Variants in CMTM8 observed in about 807,000 individuals in gnomAD.
The protein encoded by CMTM8 is CKLF-like MARVEL transmembrane domain-containing protein 8.
A neutral mutation model predicts 18.6 loss-of-function variants in CMTM8; 12 were observed. That is an observed-to-expected ratio of 0.65 (90% CI 0.41 to 1.05). The LOEUF is 1.05. CMTM8 is among the 50% of genes least tolerant of loss of function. The probability of loss-of-function intolerance (pLI) is 0.00; values close to 1 mark genes in which losing one functional copy is unlikely to be tolerated. For missense variants in CMTM8, 217 were observed against 227.2 expected (o/e 0.95, Z 0.29); for synonymous variants, 87 against 90.6 (o/e 0.96, Z 0.23).
intron 1 of CMTM8, among the ~76,000 whole-genome samples, chr3:32,282,503 G>A (rs960706448): frequency 6.6e-6 from 1 of 152,086 alleles, no homozygotes; most frequent in Admixed American, 6.6e-5. Context: ...TATATACCCA[G>A]AATGTTATCA....
chr3:32,243,340 A>T (rs1264708241), intron 1 of CMTM8, among the ~76,000 whole-genome samples: 2 of 151,464 alleles, frequency 1.3e-5, no homozygotes, highest in Non-Finnish European at 2.9e-5. Flanking sequence ...AGACCAGCCC[A>T]GCCAACATGG....
intron 1 of CMTM8, among the ~76,000 whole-genome samples, chr3:32,267,862 C>G (rs1042666907): frequency 1.3e-5 from 2 of 152,192 alleles, no homozygotes; most frequent in African/African-American, 4.8e-5. Flanking sequence ...TCATCACTGG[C>G]CATCAGAGAA....
chr3:32,349,363 G>T (rs543009339), intron 1 of CMTM8, among the ~76,000 whole-genome samples: 1 of 152,026 alleles, frequency 6.6e-6, no homozygotes, highest in East Asian at 1.9e-4. Context: ...AGACCTGGCT[G>T]CCAGTATTCT....
chr3:32,338,765 G>A (rs528619030), intron 1 of CMTM8, among the ~76,000 whole-genome samples: 2 of 152,320 alleles, frequency 1.3e-5, no homozygotes, highest in Admixed American at 1.3e-4. Context: ...AGCAGCAGAA[G>A]ACATTTGTTA....
chr3:32,361,497 T>G (rs943779705), intron 2 of CMTM8, among the ~76,000 whole-genome samples: 4 of 152,154 alleles, frequency 2.6e-5, no homozygotes, highest in African/African-American at 9.7e-5. Context: ...AAATGACTTT[T>G]GAATTTAGTC....
In CMTM8 at chr3:32,238,809, G is replaced by A. The variant is rs1315644879; in HGVS notation, c.-164G>A. 4.9e-6 allele frequency: 2 copies of A among 412,142 alleles called. No individual in the cohort carries two copies. The highest frequency in any genetic ancestry group is 8.9e-5 in the East Asian group (2 of 22,396). The allele number at this position is 412,142 out of a possible 1,614,324, so 25.5% of individuals were successfully genotyped here. On this transcript the variant is annotated 5_prime_UTR_variant, in exon 1 of 4. Coordinates refer to ENST00000307526, the MANE Select transcript of CMTM8 (RefSeq NM_178868.5). ...GGCACCGCGCACTAGAGGGACACCCGCCGCGCCTGGACAGCCCCCGGCGGG... is the reference window on the plus strand; with the variant it reads ...GGCACCGCGCACTAGAGGGACACCCACCGCGCCTGGACAGCCCCCGGCGGG...
At chr3:32,249,030 CT>C (rs58156524) in intron 1 of CMTM8, among the ~76,000 whole-genome samples, 40 of 62,448 alleles carry the variant, frequency 6.4e-4, no homozygotes, top group African/African-American at 1.8e-3. Context: ...AATGTGGAAT[CT>C]TTTTTTTTTT....
chr3:32,302,773 C>T (rs531684110), intron 1 of CMTM8, among the ~76,000 whole-genome samples: 55 of 152,254 alleles, frequency 3.6e-4, no homozygotes, highest in African/African-American at 1.2e-3. Context: ...GAAACCTGTG[C>T]GCACACACAC....
At chr3:32,331,227 C>G (rs1438785524) in intron 1 of CMTM8, among the ~76,000 whole-genome samples, 1 of 152,096 alleles carries the variant, frequency 6.6e-6, no homozygotes, top group Non-Finnish European at 1.5e-5. Context: ...AGCAATATTA[C>G]CAGTCATTAG....
chr3:32,342,263 A>G (rs920577663), intron 1 of CMTM8, among the ~76,000 whole-genome samples: 2 of 152,156 alleles, frequency 1.3e-5, no homozygotes, highest in African/African-American at 4.8e-5. Flanking sequence ...AACCCAAAAA[A>G]CAAAAACCTA....
intron 1 of CMTM8, among the ~76,000 whole-genome samples, chr3:32,328,083 A>G (rs1165227722): frequency 1.3e-5 from 2 of 152,154 alleles, no homozygotes; most frequent in Non-Finnish European, 2.9e-5. Flanking sequence ...TCTACAAAAA[A>G]AATTTTTAAG....
intron 1 of CMTM8, among the ~76,000 whole-genome samples, chr3:32,273,445 C>T (rs1399267083): frequency 1.3e-5 from 2 of 152,086 alleles, no homozygotes; most frequent in Non-Finnish European, 2.9e-5. Flanking sequence ...GTCAATTGCC[C>T]ACTAACTGAT....
intron 1 of CMTM8, among the ~76,000 whole-genome samples, chr3:32,347,290 TGCTTAGG>T (rs1696615923): frequency 1.7e-5 from 2 of 119,256 alleles, no homozygotes; most frequent in East Asian, 5.3e-4. Flanking sequence ...TGGTTTTTTT[TGCTTAGG>T]TTTTTTTTTT....
At chr3:32,251,217 T>C (rs1702106448) in intron 1 of CMTM8, among the ~76,000 whole-genome samples, 1 of 152,222 alleles carries the variant, frequency 6.6e-6, no homozygotes, top group Non-Finnish European at 1.5e-5. Flanking sequence ...CAGGGGAGCC[T>C]GAACATATGA....
intron 1 of CMTM8, among the ~76,000 whole-genome samples, chr3:32,256,812 C>G (rs1292012037): frequency 6.6e-6 from 1 of 152,160 alleles, no homozygotes; most frequent in African/African-American, 2.4e-5. Flanking sequence ...CTGGTGTTCC[C>G]TGCTGAGAAT....
intron 1 of CMTM8, among the ~76,000 whole-genome samples, chr3:32,242,484 G>A (rs1295345598): frequency 1.3e-5 from 2 of 151,980 alleles, no homozygotes; most frequent in African/African-American, 4.8e-5. Flanking sequence ...CACCATGCCT[G>A]GTGGATGATT....
intron 1 of CMTM8, among the ~76,000 whole-genome samples, chr3:32,288,727 C>T (rs1008922965): frequency 6.6e-6 from 1 of 152,182 alleles, no homozygotes; most frequent in African/African-American, 2.4e-5. Context: ...TTCTCGATCT[C>T]CTGACCTCGT....
At chr3:32,361,996 C>CAG (rs1228738800) in intron 2 of CMTM8, among the ~76,000 whole-genome samples, 3 of 150,172 alleles carry the variant, frequency 2.0e-5, no homozygotes, top group Non-Finnish European at 4.4e-5. Flanking sequence ...CTCCAGAGAG[C>CAG]AGAGATGTTT....
At chr3:32,247,315 G>T (rs991487018) in intron 1 of CMTM8, among the ~76,000 whole-genome samples, 1 of 151,822 alleles carries the variant, frequency 6.6e-6, no homozygotes, top group Non-Finnish European at 1.5e-5. Flanking sequence ...TCTTATTTTA[G>T]AATTTTTTTT....
Sources: gnomAD v4.1 joint callset for allele counts (sites outside exome capture counted in the v4.1 genomes callset) on GRCh38, gnomAD v4.1.1 for gene constraint, MANE v1.5 for transcripts, NCBI Gene and HGNC (gene_info 2026-07-23, HGNC 2026-07-21) for gene names.